TRABD2B: variants seen among roughly 807,000 people sequenced by gnomAD.
TRABD2B encodes the protein metalloprotease TIKI2.
In TRABD2B, 14 loss-of-function variants were observed where a neutral mutation model predicts 40.1. The observed-to-expected ratio is 0.35, with a 90% confidence interval of 0.23 to 0.55. TRABD2B has a LOEUF of 0.55. Among genes scored for constraint, TRABD2B ranks in the 20% least tolerant of loss-of-function variants. TRABD2B has a pLI of 0.90. For synonymous variants in TRABD2B, 263 were observed against 277.0 expected, an observed-to-expected ratio of 0.95 and a Z score of 0.50; for missense variants, 541 against 648.6, an observed-to-expected ratio of 0.83 and a Z score of 1.80.
chr1:47,890,580 G>A (rs1557639351), intron 2 of TRABD2B, among the ~76,000 whole-genome samples: 1 of 152,162 alleles, frequency 6.6e-6, no homozygotes, highest in Non-Finnish European at 1.5e-5. Context: ...GGGGGGCCCA[G>A]GTGTCCACAG....
intron 2 of TRABD2B, among the ~76,000 whole-genome samples, chr1:47,841,933 G>A (rs1278698518): frequency 1.3e-5 from 2 of 151,932 alleles, no homozygotes; most frequent in Non-Finnish European, 2.9e-5. Flanking sequence ...CACCATGCCT[G>A]GCTAATTTTT....
At position 47,874,314 on chromosome 1, in the gene TRABD2B, G is replaced by A. The variant is rs1483754354; in HGVS notation, c.667-72695C>T. On this transcript the variant is annotated intron_variant, in intron 2 of 6. Coordinates refer to ENST00000606738, the MANE Select transcript of TRABD2B (RefSeq NM_001194986.2). ...CGCTCTGTCGCCCAGGCCGGACTGC[G>A]GACTGCGGACTGCAGTGGCGCAATC... Among the ~76,000 whole-genome samples the A allele has an allele frequency of 3.7e-5, 5 of 134,870 alleles. No homozygotes were observed. The East Asian group carries it at 9.6e-4, about 26-fold the overall frequency. 88.5% of individuals were successfully genotyped at this position (134,870 alleles called of 152,430 possible). A position where few individuals can be genotyped will look rare whatever the true frequency, so the allele number is the denominator to read the frequency against.
Position 47,787,493 on chromosome 1 carries a change from AT to A in TRABD2B, c.988+7092del, listed in dbSNP as rs1028781347. ...TTCTTTTCTGGCTTTTCCCTACCTA[AT>A]CATCTTGCCGCCTCCCCTCCCTACA... On this transcript the variant is annotated intron_variant, in intron 4 of 6. Coordinates refer to ENST00000606738, the MANE Select transcript of TRABD2B (RefSeq NM_001194986.2). Among the ~76,000 whole-genome samples, 6 of 151,678 alleles carry A rather than the reference AT, an allele frequency of 4.0e-5. No individual in the cohort carries two copies. In the East Asian group the frequency reaches 1.2e-3, roughly 29 times the overall value.
intron 2 of TRABD2B, among the ~76,000 whole-genome samples, chr1:47,850,605 C>T (rs1434567066): frequency 1.3e-5 from 2 of 152,204 alleles, no homozygotes; most frequent in Non-Finnish European, 2.9e-5. Context: ...CCAGGCCAAG[C>T]CACCTCCCCA....
chr1:47,802,380 C>T (rs1365009930), intron 2 of TRABD2B, among the ~76,000 whole-genome samples: 1 of 152,212 alleles, frequency 6.6e-6, no homozygotes, highest in East Asian at 1.9e-4. Context: ...TGGAACACAA[C>T]CTGCTCATTT....
At chr1:47,882,215 G>A (rs1292470102) in intron 2 of TRABD2B, among the ~76,000 whole-genome samples, 3 of 152,228 alleles carry the variant, frequency 2.0e-5, no homozygotes, top group Non-Finnish European at 4.4e-5. Flanking sequence ...TTCAATGGCA[G>A]AAGCACATCC....
At chr1:47,922,495 C>T (rs376021860) in intron 2 of TRABD2B, among the ~76,000 whole-genome samples, 2 of 152,220 alleles carry the variant, frequency 1.3e-5, no homozygotes, top group African/African-American at 4.8e-5. Context: ...TTAAAGAAAA[C>T]CAGCCAGAAA....
At chr1:47,767,750 A>G (rs1644324124) in intron 6 of TRABD2B, among the ~76,000 whole-genome samples, 1 of 152,204 alleles carries the variant, frequency 6.6e-6, no homozygotes, top group African/African-American at 2.4e-5. Flanking sequence ...GGTCTGCAGC[A>G]TGCGTGCCTT....
intron 2 of TRABD2B, among the ~76,000 whole-genome samples, chr1:47,827,438 C>T (rs537013862): frequency 7.9e-5 from 12 of 152,324 alleles, no homozygotes; most frequent in African/African-American, 2.9e-4. Context: ...CATGCAGGGC[C>T]TTTAAATTGC....
At chr1:47,866,778 T>A (rs976586990) in intron 2 of TRABD2B, among the ~76,000 whole-genome samples, 1 of 152,122 alleles carries the variant, frequency 6.6e-6, no homozygotes, top group East Asian at 1.9e-4. Context: ...CCCCTCTCCA[T>A]CCCACTGGGC....
intron 2 of TRABD2B, among the ~76,000 whole-genome samples, chr1:47,814,473 G>A (rs540007963): frequency 3.3e-5 from 5 of 152,332 alleles, no homozygotes; most frequent in African/African-American, 9.6e-5. Context: ...GGCCCCAGGG[G>A]CTTTGGGGAG....
chr1:47,804,454 C>T (rs767703060), intron 2 of TRABD2B, among the ~76,000 whole-genome samples: 2 of 152,164 alleles, frequency 1.3e-5, no homozygotes, highest in South Asian at 2.1e-4. Context: ...TGACTACACT[C>T]GGCCACTGCA....
chr1:47,851,504 A>T (rs1288357727), intron 2 of TRABD2B, among the ~76,000 whole-genome samples: 1 of 152,122 alleles, frequency 6.6e-6, no homozygotes, highest in Non-Finnish European at 1.5e-5. Context: ...AGAGGGAAAG[A>T]GATTGATTTT....
At chr1:47,816,007 G>C (rs1029161166) in intron 2 of TRABD2B, among the ~76,000 whole-genome samples, 3 of 152,120 alleles carry the variant, frequency 2.0e-5, no homozygotes, top group Non-Finnish European at 4.4e-5. Flanking sequence ...AATGGGACTT[G>C]GTTCCCTCCT....
At chr1:47,793,192 C>G (rs1315615771) in intron 4 of TRABD2B, among the ~76,000 whole-genome samples, 1 of 152,182 alleles carries the variant, frequency 6.6e-6, no homozygotes, top group East Asian at 1.9e-4. Flanking sequence ...CCAAGTGAGT[C>G]CTGGCTCTTC....
At chr1:47,831,765 T>C (rs1645253166) in intron 2 of TRABD2B, among the ~76,000 whole-genome samples, 1 of 152,248 alleles carries the variant, frequency 6.6e-6, no homozygotes, top group South Asian at 2.1e-4. Flanking sequence ...GGGTGTGTAG[T>C]TCCCACCCAC....
At chr1:47,848,945 C>T (rs917979581) in intron 2 of TRABD2B, among the ~76,000 whole-genome samples, 5 of 152,222 alleles carry the variant, frequency 3.3e-5, no homozygotes, top group Admixed American at 2.6e-4. Context: ...TGCCAGAGGC[C>T]TTCATCCCTG....
intron 4 of TRABD2B, among the ~76,000 whole-genome samples, chr1:47,781,722 G>A (rs1440462383): frequency 2.0e-5 from 3 of 152,206 alleles, no homozygotes; most frequent in Admixed American, 6.5e-5. Flanking sequence ...CCACCCAGGT[G>A]GCTACTCCTT....
At chr1:47,875,870 G>A (rs1401290124) in intron 2 of TRABD2B, among the ~76,000 whole-genome samples, 2 of 152,080 alleles carry the variant, frequency 1.3e-5, no homozygotes, top group East Asian at 3.9e-4. Flanking sequence ...GCTGGCTGTG[G>A]CCACAGCCCT....
Sources: allele counts gnomAD v4.1 joint callset (sites outside exome capture counted in the v4.1 genomes callset), GRCh38; gene constraint gnomAD v4.1.1; transcripts MANE v1.5; gene names NCBI Gene and HGNC (gene_info 2026-07-23, HGNC 2026-07-21).